The following CDH18 variants were observed in gnomAD, a reference collection of about 807,000 sequenced individuals.
CDH18 encodes cadherin-18.
In CDH18, 31 loss-of-function variants were observed where a neutral mutation model predicts 67.9. The observed-to-expected ratio is 0.46, with a 90% CI of 0.34 to 0.62. CDH18 has a LOEUF of 0.62. CDH18 is among the 20% of genes least tolerant of loss of function. The probability of loss-of-function intolerance (pLI) is 0.01; values close to 1 mark genes in which losing one functional copy is unlikely to be tolerated. For missense variants in CDH18, 890 were observed against 975.5 expected (o/e 0.91, Z 1.17); for synonymous variants, 362 against 347.2 (o/e 1.04, Z -0.48).
chr5:20,560,696 T>C (rs1248244106), intron 1 of CDH18, among the ~76,000 whole-genome samples: 2 of 152,092 alleles, frequency 1.3e-5, no homozygotes, highest in Non-Finnish European at 2.9e-5. Flanking sequence ...TTTCTTCTAC[T>C]AGACTAAGTT....
intron 2 of CDH18, among the ~76,000 whole-genome samples, chr5:19,929,219 C>G (rs1437796317): frequency 1.3e-5 from 2 of 152,190 alleles, no homozygotes; most frequent in Non-Finnish European, 2.9e-5. Flanking sequence ...TCACTTCTTC[C>G]TCTCCTCAGT....
At chr5:19,577,080 G>A (rs372571927) in intron 7 of CDH18, among the ~76,000 whole-genome samples, 29 of 152,118 alleles carry the variant, frequency 1.9e-4, no homozygotes, top group African/African-American at 7.0e-4. Flanking sequence ...GTTACCAGAG[G>A]CTGGGAATAG....
rs151165756 is a variant in CDH18, at chr5:19,887,453, A to G, written c.-256-48211T>C. On this transcript the variant is annotated intron_variant, in intron 2 of 12. Coordinates refer to ENST00000382275, the MANE Select transcript of CDH18 (RefSeq NM_004934.5). The stretch of plus-strand genomic sequence containing the variant: ...AAATAGATTTATTAACTTTTCTTTA[A>G]TAGTGATTTACGTTCTATTTAAGAA... 1.4e-4 allele frequency among the ~76,000 whole-genome samples: 21 copies of G among 152,166 alleles called. No individual in the cohort carries two copies. In the East Asian group the frequency reaches 3.7e-3, roughly 27 times the overall value.
chr5:19,725,990 T>C (rs1420706490), intron 4 of CDH18, among the ~76,000 whole-genome samples: 1 of 152,166 alleles, frequency 6.6e-6, no homozygotes, highest in African/African-American at 2.4e-5. Context: ...CAAATAGCAG[T>C]CCCTGGGCAA....
At chr5:19,870,524 T>C (rs1786140668) in intron 2 of CDH18, among the ~76,000 whole-genome samples, 1 of 152,124 alleles carries the variant, frequency 6.6e-6, no homozygotes, top group African/African-American at 2.4e-5. Flanking sequence ...CTATAGAGTA[T>C]CCTTATGTTA....
At chr5:19,597,946 CTA>C (rs1217263307) in intron 6 of CDH18, among the ~76,000 whole-genome samples, 1 of 151,844 alleles carries the variant, frequency 6.6e-6, no homozygotes, top group Non-Finnish European at 1.5e-5. Flanking sequence ...GCATATAGTT[CTA>C]GTTTGTTAAT....
At chr5:19,911,225 T>C (rs1050989568) in intron 2 of CDH18, among the ~76,000 whole-genome samples, 3 of 152,098 alleles carry the variant, frequency 2.0e-5, no homozygotes, top group Admixed American at 6.6e-5. Flanking sequence ...AGAAAGGTAT[T>C]TGGTGGCTGA....
At chr5:19,474,445 C>A (rs1001018422) in intron 12 of CDH18, among the ~76,000 whole-genome samples, 1 of 151,984 alleles carries the variant, frequency 6.6e-6, no homozygotes, top group Admixed American at 6.6e-5. Context: ...CCCATTTATG[C>A]CTGAGGTTGC....
intron 2 of CDH18, among the ~76,000 whole-genome samples, chr5:19,952,237 G>A (rs982790480): frequency 3.3e-5 from 5 of 152,046 alleles, no homozygotes; most frequent in Non-Finnish European, 5.9e-5. Flanking sequence ...TTTTAGTAGA[G>A]ACAGGGTTTC....
rs375246429 is a variant in CDH18 at position 20,439,051 on chromosome 5, GT to G, written c.-580+136410del. Among the ~76,000 whole-genome samples, 23 of 151,568 alleles carry G rather than the reference GT, an allele frequency of 1.5e-4. 1 individual carries two copies. In the East Asian group the frequency reaches 4.3e-3, roughly 28 times the overall value. On this transcript the variant is annotated intron_variant, in intron 1 of 14. Coordinates refer to the CDH18 transcript ENST00000507958. ...CCTTGATTGCGTCATTTTTTAACTTGTTTGTCCAGTGAATGAAGCACACAAT... is the reference window on the plus strand; with the variant it reads ...CCTTGATTGCGTCATTTTTTAACTTGTTGTCCAGTGAATGAAGCACACAAT...
At chr5:19,658,078 G>T (rs959916263) in intron 5 of CDH18, among the ~76,000 whole-genome samples, 9 of 151,876 alleles carry the variant, frequency 5.9e-5, no homozygotes, top group Non-Finnish European at 1.3e-4. Context: ...ATATTACAAA[G>T]ATTTCTAAAT....
At chr5:20,017,522 A>G (rs1310054694) in intron 2 of CDH18, among the ~76,000 whole-genome samples, 1 of 152,214 alleles carries the variant, frequency 6.6e-6, no homozygotes, top group African/African-American at 2.4e-5. Context: ...GGCAAAACTC[A>G]CATAATATAA....
At chr5:20,018,808 T>TC (rs1738126071) in intron 2 of CDH18, among the ~76,000 whole-genome samples, 1 of 142,162 alleles carries the variant, frequency 7.0e-6, no homozygotes, top group South Asian at 2.3e-4. Context: ...TCTTTTTTTT[T>TC]TTTTGAGACG....
At chr5:20,188,946 T>C (rs1032963800) in intron 2 of CDH18, among the ~76,000 whole-genome samples, 3 of 151,656 alleles carry the variant, frequency 2.0e-5, no homozygotes. Context: ...TCTTTCCACC[T>C]CTTTTGAGGC....
chr5:20,392,976 G>A (rs986361510), intron 1 of CDH18, among the ~76,000 whole-genome samples: 1 of 151,660 alleles, frequency 6.6e-6, no homozygotes, highest in East Asian at 1.9e-4. Flanking sequence ...CCAGCAATAG[G>A]GGTATGATAT....
chr5:20,373,381 A>C (rs4323237), intron 1 of CDH18, among the ~76,000 whole-genome samples: 8,416 of 152,144 alleles, frequency 0.055, 389 homozygotes, highest in South Asian at 0.17. Flanking sequence ...GAATGTTTTA[A>C]AAATTCCCAG....
chr5:19,513,094 C>A (rs927601192), intron 10 of CDH18, among the ~76,000 whole-genome samples: 17 of 151,034 alleles, frequency 1.1e-4, no homozygotes, highest in Non-Finnish European at 2.2e-4. Flanking sequence ...TTAATCAGTC[C>A]TTATTTATTT....
intron 2 of CDH18, among the ~76,000 whole-genome samples, chr5:20,167,272 A>AAAG (rs779946173): frequency 6.6e-6 from 1 of 152,142 alleles, no homozygotes; most frequent in East Asian, 1.9e-4. Flanking sequence ...CCTCACATGG[A>AAAG]AAGAATGTTG....
intron 2 of CDH18, among the ~76,000 whole-genome samples, chr5:20,136,919 C>A (rs370875091): frequency 5.9e-5 from 9 of 152,176 alleles, no homozygotes; most frequent in African/African-American, 2.2e-4. Context: ...TATTGGCCCC[C>A]ACTCTCTTGT....
Sources: allele counts gnomAD v4.1 joint callset (sites outside exome capture counted in the v4.1 genomes callset), GRCh38; gene constraint gnomAD v4.1.1; transcripts MANE v1.5; gene names NCBI Gene and HGNC (gene_info 2026-07-23, HGNC 2026-07-21).